ZCCHC7: variants seen among roughly 807,000 people sequenced by gnomAD.
The protein encoded by ZCCHC7 is zinc finger CCHC domain-containing protein 7.
Under a neutral mutation model 52.0 loss-of-function variants are expected in ZCCHC7, and 35 were observed. That is an observed-to-expected ratio of 0.67 (90% CI 0.51 to 0.89). ZCCHC7 has a LOEUF of 0.89. Among genes scored for constraint, ZCCHC7 ranks in the 40% least tolerant of loss-of-function variants. The pLI, the probability that ZCCHC7 is intolerant of heterozygous loss-of-function variation, is 0.00. For synonymous variants in ZCCHC7, 217 were observed against 221.5 expected, an observed-to-expected ratio of 0.98 and a Z score of 0.18; for missense variants, 574 against 649.1, an observed-to-expected ratio of 0.88 and a Z score of 1.26.
chr9:37,351,431 G>T (rs1490092661), intron 7 of ZCCHC7, among the ~76,000 whole-genome samples: 2 of 151,954 alleles, frequency 1.3e-5, no homozygotes, highest in Non-Finnish European at 2.9e-5. Flanking sequence ...TCAGCCTCTC[G>T]AGTAGCTGGG....
At position 37,314,714 on chromosome 9, in the gene ZCCHC7, C is replaced by G. The variant is rs572956271; in HGVS notation, c.951+9000C>G. On this transcript the variant is annotated intron_variant, in intron 5 of 8. Transcript: ENST00000336755. ...ATCACTTGAGCAAAGGAGTTCAAGT[C>G]CAACCTGGGCAACATAGCAAGACCC... Among the ~76,000 whole-genome samples the G allele has an allele frequency of 1.6e-4, 23 of 148,356 alleles. 1 individual carries two copies. The highest frequency in any genetic ancestry group is 7.4e-5 in the Non-Finnish European group (5 of 67,546).
chr9:37,287,122 C>T (rs896175766), intron 2 of ZCCHC7, among the ~76,000 whole-genome samples: 2 of 143,362 alleles, frequency 1.4e-5, no homozygotes, highest in South Asian at 4.8e-4. Context: ...CTCTGCCTCC[C>T]GGGCTCTAGC....
intron 2 of ZCCHC7, among the ~76,000 whole-genome samples, chr9:37,176,700 C>G (rs12686731): frequency 6.6e-6 from 1 of 151,860 alleles, no homozygotes. Context: ...AGTGAGTGCC[C>G]TCAGCTTCTG....
intron 2 of ZCCHC7, among the ~76,000 whole-genome samples, chr9:37,129,552 T>C (rs1029828321): frequency 6.6e-6 from 1 of 152,244 alleles, no homozygotes; most frequent in Non-Finnish European, 1.5e-5. Context: ...GATAGATTGG[T>C]TCATATAATC....
intron 2 of ZCCHC7, among the ~76,000 whole-genome samples, chr9:37,255,484 T>C (rs1182284436): frequency 6.6e-6 from 1 of 152,144 alleles, no homozygotes; most frequent in Non-Finnish European, 1.5e-5. Flanking sequence ...ATCATGCTAC[T>C]CAGAATGGCG....
intron 2 of ZCCHC7, among the ~76,000 whole-genome samples, chr9:37,141,181 C>T (rs899790975): frequency 2.6e-5 from 4 of 151,862 alleles, no homozygotes; most frequent in East Asian, 3.9e-4. Flanking sequence ...CCATGGCTTT[C>T]GGTTGCAGAC....
chr9:37,157,422 G>A, intron 2 of ZCCHC7, among the ~76,000 whole-genome samples: 1 of 152,108 alleles, frequency 6.6e-6, no homozygotes, highest in South Asian at 2.1e-4. Flanking sequence ...AGCCCAGGAG[G>A]TCAAGGCTAT....
chr9:37,265,329 G>C (rs1827053053), intron 2 of ZCCHC7, among the ~76,000 whole-genome samples: 2 of 151,940 alleles, frequency 1.3e-5, no homozygotes, highest in South Asian at 4.2e-4. Flanking sequence ...TACTTCCTAG[G>C]ATCCTAGGAT....
chr9:37,176,727 C>T (rs1383724111), intron 2 of ZCCHC7, among the ~76,000 whole-genome samples: 6 of 151,944 alleles, frequency 3.9e-5, no homozygotes, highest in South Asian at 2.1e-4. Context: ...CTTAATCTAC[C>T]GGTGTCTAAA....
chr9:37,175,690 A>G (rs1821984085), intron 2 of ZCCHC7, among the ~76,000 whole-genome samples: 1 of 152,142 alleles, frequency 6.6e-6, no homozygotes, highest in Non-Finnish European at 1.5e-5. Context: ...GCAGTGAGCC[A>G]AAATCATGCT....
chr9:37,326,472 A>ACC (rs1830244012), intron 5 of ZCCHC7, among the ~76,000 whole-genome samples: 1 of 151,122 alleles, frequency 6.6e-6, no homozygotes, highest in South Asian at 2.1e-4. Flanking sequence ...TTTCCTATAG[A>ACC]AAGCTGTGTA....
intron 2 of ZCCHC7, among the ~76,000 whole-genome samples, chr9:37,233,488 T>G (rs1825501730): frequency 6.6e-6 from 1 of 152,258 alleles, no homozygotes; most frequent in Admixed American, 6.5e-5. Context: ...GTTAATTTTC[T>G]TAATTGCATA....
chr9:37,277,472 C>T (rs145104125), intron 2 of ZCCHC7, among the ~76,000 whole-genome samples: 8 of 152,036 alleles, frequency 5.3e-5, no homozygotes, highest in South Asian at 2.1e-4. Flanking sequence ...TGAGACCCCC[C>T]CATCTCTGAA....
At chr9:37,296,080 C>T (rs138626160) in intron 2 of ZCCHC7, among the ~76,000 whole-genome samples, 146 of 152,174 alleles carry the variant, frequency 9.6e-4, no homozygotes, top group African/African-American at 3.4e-3. Context: ...GCATAAACCA[C>T]AATTACTTTT....
chr9:37,315,659 T>C (rs539210332), intron 5 of ZCCHC7, among the ~76,000 whole-genome samples: 5 of 151,884 alleles, frequency 3.3e-5, no homozygotes, highest in African/African-American at 1.2e-4. Context: ...TTTTAAATTA[T>C]TTCATCAGTG....
chr9:37,201,576 A>G (rs1397522104), intron 2 of ZCCHC7, among the ~76,000 whole-genome samples: 1 of 152,228 alleles, frequency 6.6e-6, no homozygotes, highest in East Asian at 1.9e-4. Flanking sequence ...CTTTTTGTGT[A>G]GAAAATCTGA....
At chr9:37,122,309 G>T (rs915908857) in intron 1 of ZCCHC7, among the ~76,000 whole-genome samples, 1 of 152,156 alleles carries the variant, frequency 6.6e-6, no homozygotes, top group Non-Finnish European at 1.5e-5. Flanking sequence ...AATGGTAATA[G>T]CCTTTGCAGT....
intron 2 of ZCCHC7, among the ~76,000 whole-genome samples, chr9:37,222,903 A>AACAT (rs1824900258): frequency 6.6e-6 from 1 of 152,162 alleles, no homozygotes; most frequent in Non-Finnish European, 1.5e-5. Flanking sequence ...TAGAAGAAGG[A>AACAT]ACATAAGGAA....
chr9:37,218,689 G>A (rs1200233427), intron 2 of ZCCHC7, among the ~76,000 whole-genome samples: 2 of 152,146 alleles, frequency 1.3e-5, no homozygotes, highest in African/African-American at 4.8e-5. Context: ...CGCACTTGTA[G>A]TCCCAGCTAC....
Sources: gnomAD v4.1 joint callset for allele counts (sites outside exome capture counted in the v4.1 genomes callset) on GRCh38, gnomAD v4.1.1 for gene constraint, MANE v1.5 for transcripts, NCBI Gene and HGNC (gene_info 2026-07-23, HGNC 2026-07-21) for gene names.